Variants in EXOC6 observed in about 807,000 individuals in gnomAD.
The protein encoded by EXOC6 is SEC15-like 1.
Under a neutral mutation model 112.5 loss-of-function variants are expected in EXOC6, and 60 were observed. The observed-to-expected ratio is 0.53, with a 90% CI of 0.43 to 0.66. EXOC6 has a LOEUF of 0.66. Among genes scored for constraint, EXOC6 ranks in the 30% least tolerant of loss-of-function variants. The pLI is 0.00. For missense variants in EXOC6, 855 were observed against 957.1 expected (o/e 0.89, Z 1.41); for synonymous variants, 295 against 308.0 (o/e 0.96, Z 0.44).
At chr10:92,860,851 A>AT (rs1409539495) in intron 1 of EXOC6, among the ~76,000 whole-genome samples, 2 of 150,656 alleles carry the variant, frequency 1.3e-5, no homozygotes, top group Non-Finnish European at 2.9e-5. Context: ...TTTATCTGTC[A>AT]TTTATCAGTG....
chr10:92,947,200 C>T (rs888538075), intron 13 of EXOC6, among the ~76,000 whole-genome samples: 2 of 152,172 alleles, frequency 1.3e-5, no homozygotes, highest in East Asian at 1.9e-4. Context: ...TGTTTTATTC[C>T]TCACTCACAC....
At chr10:92,947,476 T>G (rs1015337421) in intron 13 of EXOC6, among the ~76,000 whole-genome samples, 2 of 152,206 alleles carry the variant, frequency 1.3e-5, no homozygotes, top group Non-Finnish European at 2.9e-5. Flanking sequence ...CGTCACCAAC[T>G]ATAAAAGATC....
chr10:93,009,379 G>T (rs559926430), intron 19 of EXOC6, among the ~76,000 whole-genome samples: 1 of 152,212 alleles, frequency 6.6e-6, no homozygotes, highest in South Asian at 2.1e-4. Context: ...TTATGGTTCT[G>T]TTTTTCTTCA....
In EXOC6 at chr10:93,059,364, T is replaced by C. The variant is rs1440265813; in HGVS notation, c.*1009T>C. 2 of 152,252 alleles carry C rather than the reference T, an allele frequency of 1.3e-5. No individual in the cohort carries two copies. Among genetic ancestry groups the C allele is most frequent in the Non-Finnish European group, 2.9e-5 (2 of 68,042 alleles). The allele number at this position is 152,252 out of a possible 1,614,324, so 9.4% of individuals were successfully genotyped here. ...TGTTGTATTTATGCTGAATCTTCCCTTTGCCTTTTCAGGATTTAGGCCTGT... is the reference window on the plus strand; with the variant it reads ...TGTTGTATTTATGCTGAATCTTCCCCTTGCCTTTTCAGGATTTAGGCCTGT... On this transcript the variant is annotated 3_prime_UTR_variant, in exon 22 of 22. Transcript: ENST00000260762.
At chr10:92,937,408 A>G (rs1852405964) in intron 12 of EXOC6, among the ~76,000 whole-genome samples, 1 of 152,160 alleles carries the variant, frequency 6.6e-6, no homozygotes, top group South Asian at 2.1e-4. Context: ...CATCTTTTAG[A>G]TCTAGAACTT....
chr10:92,887,779 G>T (rs1849298539), intron 1 of EXOC6, among the ~76,000 whole-genome samples: 1 of 152,196 alleles, frequency 6.6e-6, no homozygotes, highest in South Asian at 2.1e-4. Flanking sequence ...CATAGATCTA[G>T]GAACTTTCTA....
chr10:92,968,504 T>C (rs1402100621), intron 17 of EXOC6, among the ~76,000 whole-genome samples: 1 of 152,092 alleles, frequency 6.6e-6, no homozygotes. Context: ...ATAAAAAAAA[T>C]TCTGTTAATG....
At chr10:92,880,785 G>A (rs1848924215) in intron 1 of EXOC6, among the ~76,000 whole-genome samples, 1 of 151,986 alleles carries the variant, frequency 6.6e-6, no homozygotes, top group Admixed American at 6.6e-5. Flanking sequence ...GCATATGGAG[G>A]GGGAAGGGCA....
intron 1 of EXOC6, among the ~76,000 whole-genome samples, chr10:92,891,092 T>C (rs1017528799): frequency 6.6e-6 from 1 of 152,146 alleles, no homozygotes; most frequent in Non-Finnish European, 1.5e-5. Context: ...AGGAGAATAG[T>C]CAAGGGTGAG....
intron 1 of EXOC6, among the ~76,000 whole-genome samples, chr10:92,874,081 A>G (rs1159512576): frequency 6.6e-6 from 1 of 151,660 alleles, no homozygotes; most frequent in Non-Finnish European, 1.5e-5. Flanking sequence ...AGAAAAAAGG[A>G]AAAAAGAAAT....
chr10:93,055,158 T>TA (rs1174484812), intron 20 of EXOC6, among the ~76,000 whole-genome samples: 1 of 152,174 alleles, frequency 6.6e-6, no homozygotes, highest in Non-Finnish European at 1.5e-5. Context: ...CCGGCATCCT[T>TA]AACGTTTTTG....
intron 1 of EXOC6, among the ~76,000 whole-genome samples, chr10:92,863,016 TAAC>T (rs1395082469): frequency 1.3e-5 from 2 of 152,208 alleles, no homozygotes; most frequent in South Asian, 2.1e-4. Flanking sequence ...AAGCTCGACT[TAAC>T]AGCCTATAGC....
chr10:92,915,704 AT>A, intron 6 of EXOC6, 53 bp from the exon 7 acceptor site: 1 of 1,363,680 alleles, frequency 7.3e-7, no homozygotes, highest in South Asian at 1.9e-5. Flanking sequence ...TTTTGAACCA[AT>A]TTTGACCATA....
intron 17 of EXOC6, among the ~76,000 whole-genome samples, chr10:92,972,178 C>T (rs1842327599): frequency 6.6e-6 from 1 of 152,184 alleles, no homozygotes; most frequent in East Asian, 1.9e-4. Context: ...GTTAATCACT[C>T]TGCTTTGACT....
chr10:93,008,897 G>C (rs766294944), intron 19 of EXOC6, among the ~76,000 whole-genome samples: 25 of 152,048 alleles, frequency 1.6e-4, no homozygotes, highest in Non-Finnish European at 2.9e-4. Context: ...TTCTTGATTT[G>C]CACTGTTAAA....
At chr10:92,846,795 C>A (rs577412669), upstream of EXOC6, among the ~76,000 whole-genome samples, 1 of 152,220 alleles carries the variant, frequency 6.6e-6, no homozygotes, top group Non-Finnish European at 1.5e-5. Flanking sequence ...TTTTACATGA[C>A]AAAGGGGGTA....
chr10:92,886,524 C>T (rs1849226426), intron 1 of EXOC6, among the ~76,000 whole-genome samples: 1 of 152,158 alleles, frequency 6.6e-6, no homozygotes, highest in Non-Finnish European at 1.5e-5. Flanking sequence ...CTGGTAACTT[C>T]CCTCTGCATT....
intron 7 of EXOC6, among the ~76,000 whole-genome samples, chr10:92,919,157 A>G (rs1398905655): frequency 6.6e-6 from 1 of 152,022 alleles, no homozygotes; most frequent in Non-Finnish European, 1.5e-5. Context: ...CCTGTTCTGT[A>G]TATCTTTCCT....
At chr10:92,904,336 C>T (rs1850330500) in intron 5 of EXOC6, among the ~76,000 whole-genome samples, 1 of 152,036 alleles carries the variant, frequency 6.6e-6, no homozygotes, top group African/African-American at 2.4e-5. Context: ...ATTGCTGGAT[C>T]ATATGGTAAG....
Sources: allele counts gnomAD v4.1 joint callset (sites outside exome capture counted in the v4.1 genomes callset), GRCh38; gene constraint gnomAD v4.1.1; transcripts MANE v1.5; gene names NCBI Gene and HGNC (gene_info 2026-07-23, HGNC 2026-07-21).